EVI5: variants seen among roughly 807,000 people sequenced by gnomAD.
The protein encoded by EVI5 is ecotropic viral integration site 5 protein homolog.
Under a neutral mutation model 112.0 loss-of-function variants are expected in EVI5, and 73 were observed. The ratio of observed to expected loss-of-function variants is 0.65; its 90% CI spans 0.54 to 0.79. EVI5 has a LOEUF of 0.79. Among genes scored for constraint, EVI5 ranks in the 30% least tolerant of loss-of-function variants. EVI5 has a pLI of 0.00. For synonymous variants in EVI5, 305 were observed against 319.9 expected (o/e 0.95, Z 0.50); for missense variants, 900 against 968.8 (o/e 0.93, Z 0.94).
intron 19 of EVI5, among the ~76,000 whole-genome samples, chr1:92,553,196 T>A (rs976408229): frequency 2.0e-5 from 3 of 151,892 alleles, no homozygotes; most frequent in Non-Finnish European, 4.4e-5. Flanking sequence ...AGTGGTACAA[T>A]CTCGGCTCAC....
At chr1:92,550,110 A>G (rs1287392385) in intron 19 of EVI5, among the ~76,000 whole-genome samples, 3 of 152,184 alleles carry the variant, frequency 2.0e-5, no homozygotes, top group Non-Finnish European at 4.4e-5. Flanking sequence ...ATGTCCATCA[A>G]TGATAGACTG....
Position 92,736,519 on chromosome 1 carries a change from T to C in EVI5, c.28A>G (p.Thr10Ala), listed in dbSNP as rs531317715. Reference protein sequence around the residue: MASQVASPSTSLHTTSSSTT... With the variant: MASQVASPSASLHTTSSSTT... ...GATGAGGATGTGGTATGTAATGAAG[T>C]AGATGGACTTGCCACCTGACTGGCC... Residue 10 changes from threonine (T) to alanine (A), a missense_variant, in exon 2 of 20, where the codon ACT becomes GCT. By Grantham distance (58) the Thr-to-Ala change is moderately conservative. Transcript: ENST00000684568. 7.4e-6 allele frequency: 12 copies of C among 1,613,728 alleles called. No homozygotes were observed. Among genetic ancestry groups the C allele is most frequent in the South Asian group, 5.5e-5 (5 of 91,072 alleles).
chr1:92,760,004 A>G (rs1052177808), intron 1 of EVI5, among the ~76,000 whole-genome samples: 1 of 152,174 alleles, frequency 6.6e-6, no homozygotes, highest in African/African-American at 2.4e-5. Flanking sequence ...TGCTCTGGCT[A>G]AACTATAAAG....
intron 1 of EVI5, among the ~76,000 whole-genome samples, chr1:92,767,306 T>C (rs947201220): frequency 6.6e-6 from 1 of 152,216 alleles, no homozygotes; most frequent in Non-Finnish European, 1.5e-5. Context: ...AATATTTGAC[T>C]AGTAATAATT....
At chr1:92,739,036 C>T (rs548381801) in intron 1 of EVI5, among the ~76,000 whole-genome samples, 26 of 152,056 alleles carry the variant, frequency 1.7e-4, no homozygotes, top group African/African-American at 5.8e-4. Context: ...CTTTGGGAGG[C>T]CAACGCAGGC....
intron 2 of EVI5, among the ~76,000 whole-genome samples, chr1:92,733,759 GT>G: frequency 6.6e-6 from 1 of 152,154 alleles, no homozygotes; most frequent in African/African-American, 2.4e-5. Context: ...TTTTAACTAT[GT>G]GCTGATCCTC....
At chr1:92,558,137 A>C (rs1315540374) in intron 19 of EVI5, among the ~76,000 whole-genome samples, 1 of 151,372 alleles carries the variant, frequency 6.6e-6, no homozygotes, top group Admixed American at 6.6e-5. Flanking sequence ...TCCTTCTGGG[A>C]CTCCTGTGTC....
intron 16 of EVI5, among the ~76,000 whole-genome samples, chr1:92,621,457 A>G (rs1654578043): frequency 1.3e-5 from 2 of 152,308 alleles, no homozygotes; most frequent in African/African-American, 4.8e-5. Context: ...GACTACAGGC[A>G]TGTGCCACCA....
chr1:92,763,973 G>A (rs142238316), intron 1 of EVI5, among the ~76,000 whole-genome samples: 167 of 152,214 alleles, frequency 1.1e-3, no homozygotes, highest in African/African-American at 3.6e-3. Context: ...GGAAGTTTAC[G>A]AAGGGTAAGA....
intron 18 of EVI5, among the ~76,000 whole-genome samples, chr1:92,596,711 C>T (rs1647983042): frequency 6.6e-6 from 1 of 152,176 alleles, no homozygotes; most frequent in African/African-American, 2.4e-5. Flanking sequence ...CAGCCTGCCT[C>T]AGCCTCCCAA....
chr1:92,744,381 T>C lies in EVI5; in HGVS notation c.-81-7754A>G, dbSNP rs190581410. Among the ~76,000 whole-genome samples, 3 of 152,292 alleles carry C rather than the reference T, an allele frequency of 2.0e-5. No homozygotes were observed. The East Asian group carries it at 5.8e-4, about 29-fold the overall frequency. On this transcript the variant is annotated intron_variant, in intron 1 of 19. Transcript: ENST00000684568. ...AACTGATTTTCTGTCTGCTACACTA[T>C]AAATTACTGAGAGGTGTTGAGGCAT...
At chr1:92,766,096 AAATAATAATAATAAT>A (rs71091300) in intron 1 of EVI5, among the ~76,000 whole-genome samples, 123 of 141,000 alleles carry the variant, frequency 8.7e-4, no homozygotes, top group Admixed American at 1.2e-3. Context: ...AGACCCTGCA[AAATAATAATAATAAT>A]AATAATAATA....
intron 13 of EVI5, among the ~76,000 whole-genome samples, chr1:92,654,665 T>C (rs766397109): frequency 6.6e-6 from 1 of 152,094 alleles, no homozygotes; most frequent in East Asian, 1.9e-4. Context: ...TCTCTAGCAA[T>C]AGATCCTAAC....
chr1:92,773,616 T>C (rs1683737508), intron 1 of EVI5, among the ~76,000 whole-genome samples: 1 of 152,086 alleles, frequency 6.6e-6, no homozygotes, highest in Non-Finnish European at 1.5e-5. Flanking sequence ...CACTCCAGCC[T>C]GGGAAACAGG....
rs538658314 is a variant in EVI5, at chr1:92,769,683, C to T, written c.-82+15153G>A. On this transcript the variant is annotated intron_variant, in intron 1 of 19. Coordinates refer to ENST00000684568, the MANE Select transcript of EVI5 (RefSeq NM_001350197.2). ...GGCAGATCACAAGGTCAGATCAAGA[C>T]CATCCTGGGTAACATGGTGAAACCT... Among the ~76,000 whole-genome samples the T allele has an allele frequency of 3.3e-5, 5 of 152,218 alleles. No individual in the cohort carries two copies. In the East Asian group the frequency reaches 9.7e-4, roughly 29 times the overall value.
At chr1:92,571,006 G>T (rs1670247287) in intron 18 of EVI5, among the ~76,000 whole-genome samples, 1 of 151,536 alleles carries the variant, frequency 6.6e-6, no homozygotes, top group African/African-American at 2.4e-5. Flanking sequence ...GTGGAAAAAA[G>T]AATTTCAAAA....
intron 2 of EVI5, among the ~76,000 whole-genome samples, chr1:92,724,784 A>G (rs1448144747): frequency 6.6e-6 from 1 of 152,052 alleles, no homozygotes; most frequent in Non-Finnish European, 1.5e-5. Flanking sequence ...CTCCAGCCTG[A>G]GCAACAGAGT....
At chr1:92,792,163 C>T (rs1323144097) in intron 1 of EVI5, among the ~76,000 whole-genome samples, 1 of 152,158 alleles carries the variant, frequency 6.6e-6, no homozygotes, top group Non-Finnish European at 1.5e-5. Context: ...ACTCGAATGG[C>T]TGCAGTACAA....
chr1:92,779,517 CAA>C (rs200753556), intron 1 of EVI5, among the ~76,000 whole-genome samples: 8 of 118,592 alleles, frequency 6.7e-5, no homozygotes, highest in Admixed American at 8.8e-5. Context: ...GACTCCGTCT[CAA>C]AAAAAAAAAA....
Sources: allele counts gnomAD v4.1 joint callset (sites outside exome capture counted in the v4.1 genomes callset), GRCh38; gene constraint gnomAD v4.1.1; transcripts MANE v1.5; gene names NCBI Gene and HGNC (gene_info 2026-07-23, HGNC 2026-07-21).